The following SCN9A variants were observed in gnomAD, a reference collection of about 807,000 sequenced individuals.
The protein encoded by SCN9A is sodium channel protein type 9 subunit alpha.
Under a neutral mutation model 187.0 loss-of-function variants are expected in SCN9A, and 131 were observed. The ratio of observed to expected loss-of-function variants is 0.70; its 90% CI spans 0.61 to 0.81. The LOEUF (loss-of-function observed/expected upper bound fraction) is 0.81, where lower values mean the gene tolerates loss of function less well. Ranked by LOEUF, SCN9A falls within the 30% of genes least tolerant of loss-of-function variation. SCN9A has a pLI of 0.00. For synonymous variants in SCN9A, 809 were observed against 808.6 expected (o/e 1.00, Z -0.01); for missense variants, 2,252 against 2,396.6 (o/e 0.94, Z 1.26).
chr2:166,243,770 T>C (rs1278320133), intron 18 of SCN9A, among the ~76,000 whole-genome samples: 1 of 151,816 alleles, frequency 6.6e-6, no homozygotes, highest in Non-Finnish European at 1.5e-5. Context: ...GAGGAGTAAG[T>C]AAAGGGTTAT....
intron 17 of SCN9A, among the ~76,000 whole-genome samples, chr2:166,268,800 C>G (rs1696852200): frequency 6.6e-6 from 1 of 151,696 alleles, no homozygotes; most frequent in Non-Finnish European, 1.5e-5. Context: ...CTTAATATGA[C>G]ATACTTTGAG....
intron 24 of SCN9A, among the ~76,000 whole-genome samples, chr2:166,205,708 C>T (rs1009419477): frequency 2.6e-5 from 4 of 152,078 alleles, no homozygotes; most frequent in African/African-American, 7.2e-5. Context: ...AAGAAACTAT[C>T]ATCAGAGTGA....
At chr2:166,225,988 T>G (rs1398053340) in intron 24 of SCN9A, among the ~76,000 whole-genome samples, 1 of 152,176 alleles carries the variant, frequency 6.6e-6, no homozygotes, top group Non-Finnish European at 1.5e-5. Context: ...CCCTCAGGTT[T>G]GTATTATCCT....
At chr2:166,374,121 T>C (rs1397248930) in intron 1 of SCN9A, among the ~76,000 whole-genome samples, 1 of 152,198 alleles carries the variant, frequency 6.6e-6, no homozygotes, top group Non-Finnish European at 1.5e-5. Context: ...CCCAAGATGC[T>C]TTTGGCAGAG....
At chr2:166,323,885 T>C (rs1699302157) in intron 1 of SCN9A, among the ~76,000 whole-genome samples, 1 of 151,892 alleles carries the variant, frequency 6.6e-6, no homozygotes, top group Admixed American at 6.6e-5. Context: ...TTGATAACTT[T>C]TGACATCTCT....
chr2:166,271,242 G>T (rs1482355345), intron 17 of SCN9A, among the ~76,000 whole-genome samples: 1 of 152,100 alleles, frequency 6.6e-6, no homozygotes, highest in Non-Finnish European at 1.5e-5. Flanking sequence ...GGAGAAATTA[G>T]GAGGGATGAA....
intron 19 of SCN9A, 76 bp downstream of exon 19, chr2:166,242,426 G>T: frequency 1.6e-6 from 2 of 1,274,174 alleles, no homozygotes; most frequent in South Asian, 1.8e-5. Context: ...AACTTGCCAT[G>T]ATATTTTTAT....
intron 21 of SCN9A, among the ~76,000 whole-genome samples, chr2:166,230,581 A>G (rs114495135): frequency 0.021 from 3,156 of 152,154 alleles, 119 homozygotes; most frequent in African/African-American, 0.073. Flanking sequence ...CTATCTGCCT[A>G]TGATTTGGGG....
intron 17 of SCN9A, among the ~76,000 whole-genome samples, chr2:166,271,155 A>G (rs1465973854): frequency 6.6e-6 from 1 of 151,920 alleles, no homozygotes; most frequent in Non-Finnish European, 1.5e-5. Flanking sequence ...AAAAATTAAA[A>G]TTTAAGATTA....
At chr2:166,321,745 C>T (rs984336638) in intron 1 of SCN9A, among the ~76,000 whole-genome samples, 1 of 150,744 alleles carries the variant, frequency 6.6e-6, no homozygotes, top group Admixed American at 6.6e-5. Context: ...TTTTAAGCAT[C>T]ATTCATGTCA....
At chr2:166,327,437 A>G (rs1699392051) in intron 1 of SCN9A, among the ~76,000 whole-genome samples, 1 of 152,160 alleles carries the variant, frequency 6.6e-6, no homozygotes, top group African/African-American at 2.4e-5. Context: ...GGTTACAGGC[A>G]TCAACCACTG....
chr2:166,369,402 G>A (rs1389031677), intron 1 of SCN9A, among the ~76,000 whole-genome samples: 1 of 152,102 alleles, frequency 6.6e-6, no homozygotes, highest in African/African-American at 2.4e-5. Context: ...AATTTTGAAA[G>A]GCACTTCTCT....
intron 2 of SCN9A, among the ~76,000 whole-genome samples, chr2:166,310,563 C>T (rs1698909478): frequency 1.1e-5 from 1 of 91,820 alleles, no homozygotes; most frequent in Non-Finnish European, 2.2e-5. Context: ...TACCATCTCA[C>T]ACCAGTTAGA....
chr2:166,243,407 A>T (rs894847127), intron 18 of SCN9A, among the ~76,000 whole-genome samples: 1 of 152,048 alleles, frequency 6.6e-6, no homozygotes, highest in African/African-American at 2.4e-5. Context: ...AAAAACAGAA[A>T]TAAATGACTA....
intron 1 of SCN9A, among the ~76,000 whole-genome samples, chr2:166,368,027 C>T (rs1350438727): frequency 6.6e-6 from 1 of 152,150 alleles, no homozygotes; most frequent in African/African-American, 2.4e-5. Flanking sequence ...GTAGCGTAAC[C>T]ACCAGGTATA....
chr2:166,260,984 T>C (rs865891606), intron 17 of SCN9A, among the ~76,000 whole-genome samples: 1 of 151,812 alleles, frequency 6.6e-6, no homozygotes, highest in African/African-American at 2.4e-5. Context: ...CTTATTTTCA[T>C]ATATATTTTC....
At chr2:166,320,849 T>C (rs4438497) in intron 1 of SCN9A, among the ~76,000 whole-genome samples, 5,672 of 152,244 alleles carry the variant, frequency 0.037, 221 homozygotes, top group African/African-American at 0.1. Flanking sequence ...CAAGAGTGTA[T>C]ATATCAGAAT....
intron 16 of SCN9A, among the ~76,000 whole-genome samples, chr2:166,273,927 A>G (rs1367727126): frequency 6.6e-6 from 1 of 152,188 alleles, no homozygotes; most frequent in Non-Finnish European, 1.5e-5. Flanking sequence ...TGTCTCAATA[A>G]GTCTGATTTA....
At chr2:166,287,867 G>A (rs1697842881) in intron 10 of SCN9A, among the ~76,000 whole-genome samples, 1 of 150,894 alleles carries the variant, frequency 6.6e-6, no homozygotes, top group African/African-American at 2.4e-5. Flanking sequence ...AAGAGTATCT[G>A]TTAATTTTAA....
Sources: gnomAD v4.1 joint callset for allele counts (sites outside exome capture counted in the v4.1 genomes callset) on GRCh38, gnomAD v4.1.1 for gene constraint, MANE v1.5 for transcripts, NCBI Gene and HGNC (gene_info 2026-07-23, HGNC 2026-07-21) for gene names.